The following TPST2 variants were observed in gnomAD, a reference collection of about 807,000 sequenced individuals.
The protein encoded by TPST2 is protein-tyrosine sulfotransferase 2.
TPST2 carries 16 observed loss-of-function variants against 27.8 expected under a neutral mutation model. That is an observed-to-expected ratio of 0.58 (90% CI 0.39 to 0.88). The LOEUF is 0.88. Among genes scored for constraint, TPST2 ranks in the 40% least tolerant of loss-of-function variants. The pLI is 0.00. For synonymous variants in TPST2, 229 were observed against 231.7 expected, an observed-to-expected ratio of 0.99 and a Z score of 0.10; for missense variants, 464 against 543.1, an observed-to-expected ratio of 0.85 and a Z score of 1.45.
chr22:26,547,711 A>T (rs984121094), intron 1 of TPST2: 1 of 152,232 alleles, frequency 6.6e-6, no homozygotes, highest in African/African-American at 2.4e-5. Context: ...GCTACTCGGG[A>T]GGCCGAGGTT....
Position 26,560,494 on chromosome 22 carries a change from G to C in TPST2, c.-160-15819C>G, listed in dbSNP as rs558414080. Reference sequence around the variant, plus strand: ...AGTGAGAGCCGGACGGGCACTGGGCGACTGTGCCTCGCTGAGGAAAAATAA... The same window carrying C: ...AGTGAGAGCCGGACGGGCACTGGGCCACTGTGCCTCGCTGAGGAAAAATAA... On this transcript the variant is annotated intron_variant, in intron 1 of 6. Coordinates refer to ENST00000338754, the MANE Select transcript of TPST2 (RefSeq NM_003595.5). The C allele has an allele frequency of 3.8e-6, 3 of 796,202 alleles. No homozygotes were observed. In the East Asian group the frequency reaches 7.2e-5, roughly 19 times the overall value. 49.3% of individuals were successfully genotyped at this position (796,202 alleles called of 1,614,324 possible).
At chr22:26,548,723 G>A (rs1846924102) in intron 1 of TPST2, among the ~76,000 whole-genome samples, 1 of 139,588 alleles carries the variant, frequency 7.2e-6, no homozygotes, top group Non-Finnish European at 1.6e-5. Context: ...AGCACTTTGA[G>A]GGCTGAGGCA....
chr22:26,568,274 CG>C (rs1183474916), intron 1 of TPST2, among the ~76,000 whole-genome samples: 2 of 152,138 alleles, frequency 1.3e-5, no homozygotes, highest in African/African-American at 4.8e-5. Flanking sequence ...CTGTGATGAG[CG>C]AAACAAGTCA....
rs745883539 is a variant in TPST2, at chr22:26,540,920, G to A, written c.711C>T (p.Tyr237=). 14 of 1,614,088 alleles carry A rather than the reference G, an allele frequency of 8.7e-6. No homozygotes were observed. The African/African-American group carries it at 1.1e-4, about 12-fold the overall frequency. ...TGGGGTGCAGCACCAGCTGCTCGTA[G>A]TACACAGGCAGGCACTTCTCCTTGC... ...EVGKEKCLPV[Y]YEQLVLHPRR... The change falls in exon 3 of 7, where the codon TAC becomes TAT. Residue 237 remains tyrosine, a synonymous_variant. Coordinates refer to ENST00000338754, the MANE Select transcript of TPST2 (RefSeq NM_003595.5).
chr22:26,539,565 C>T (rs1925674338), intron 3 of TPST2, among the ~76,000 whole-genome samples: 1 of 150,486 alleles, frequency 6.6e-6, no homozygotes, highest in Admixed American at 6.6e-5. Context: ...GGGTTGGAGA[C>T]CAGCCTGGAA....
chr22:26,527,578 C>T (rs1924910937), intron 6 of TPST2, among the ~76,000 whole-genome samples: 1 of 152,222 alleles, frequency 6.6e-6, no homozygotes, highest in Admixed American at 6.5e-5. Flanking sequence ...GATAAATGTG[C>T]ACTTAAAATC....
chr22:26,566,394 T>C (rs900436253), intron 1 of TPST2, among the ~76,000 whole-genome samples: 25 of 151,668 alleles, frequency 1.6e-4, no homozygotes, highest in African/African-American at 5.8e-4. Flanking sequence ...CTATTAAAAA[T>C]ACAAAAATCA....
At chr22:26,539,228 T>C (rs1051250617) in intron 3 of TPST2, among the ~76,000 whole-genome samples, 4 of 151,934 alleles carry the variant, frequency 2.6e-5, no homozygotes, top group African/African-American at 4.8e-5. Context: ...GGACCAGCCA[T>C]GGGAAGGACC....
chr22:26,588,312 A>C (rs1928421405), intron 1 of TPST2, among the ~76,000 whole-genome samples: 1 of 152,228 alleles, frequency 6.6e-6, no homozygotes, highest in Non-Finnish European at 1.5e-5. Context: ...ATATGACTGC[A>C]TTTATATGAA....
At chr22:26,548,896 A>T (rs978884651) in intron 1 of TPST2, among the ~76,000 whole-genome samples, 3 of 152,146 alleles carry the variant, frequency 2.0e-5, no homozygotes, top group Admixed American at 2.0e-4. Context: ...TGAACCCCAG[A>T]GGTCAAGGCT....
chr22:26,573,396 G>A (rs550587689), intron 1 of TPST2, among the ~76,000 whole-genome samples: 8 of 152,322 alleles, frequency 5.3e-5, no homozygotes, highest in Admixed American at 2.0e-4. Context: ...TCCGACTTCC[G>A]CCCCAACAAT....
At chr22:26,544,841 G>A (rs1926035496) in intron 1 of TPST2, among the ~76,000 whole-genome samples, 166 bp from the exon 2 acceptor site, 1 of 152,326 alleles carries the variant, frequency 6.6e-6, no homozygotes, top group South Asian at 2.1e-4. Context: ...AGATACCACA[G>A]CTGGAGTCTC....
intron 1 of TPST2, among the ~76,000 whole-genome samples, chr22:26,562,744 T>C (rs1425625499): frequency 2.0e-5 from 3 of 151,976 alleles, no homozygotes; most frequent in African/African-American, 7.3e-5. Flanking sequence ...CTGCCTCAGT[T>C]TCCTAAGTAG....
At chr22:26,557,753 G>A (rs1926874672) in intron 1 of TPST2, among the ~76,000 whole-genome samples, 3 of 150,282 alleles carry the variant, frequency 2.0e-5, no homozygotes. Context: ...CCATCTCAAA[G>A]AAGAGAGATG....
intron 1 of TPST2, among the ~76,000 whole-genome samples, chr22:26,585,175 A>G (rs998835773): frequency 1.6e-4 from 24 of 152,188 alleles, no homozygotes; most frequent in African/African-American, 5.5e-4. Flanking sequence ...GCTCCCTATC[A>G]CACTGCCTGC....
chr22:26,577,543 G>GA (rs900366024), intron 1 of TPST2, among the ~76,000 whole-genome samples: 1 of 151,170 alleles, frequency 6.6e-6, no homozygotes, highest in Non-Finnish European at 1.5e-5. Context: ...TAGAGATGGG[G>GA]TTTCACCGTG....
rs552413058 is a variant in TPST2 at position 26,586,045 on chromosome 22, A to AAAT, written c.-161+4005_-161+4007dup. On this transcript the variant is annotated intron_variant, in intron 1 of 6. Transcript: ENST00000338754. ...ACAACACAGCGAAACTCCGTCTCAA[A>AAAT]AATAATAATAATAATAATCATAATA... Among the ~76,000 whole-genome samples, 354 of 151,958 alleles carry AAAT rather than the reference A, an allele frequency of 2.3e-3. 7 individuals carry two copies. Among genetic ancestry groups the AAAT allele is most frequent in the Admixed American group, 0.014 (218 of 15,252 alleles).
chr22:26,539,406 C>T (rs1356316210), intron 3 of TPST2, among the ~76,000 whole-genome samples: 1 of 151,402 alleles, frequency 6.6e-6, no homozygotes, highest in Admixed American at 6.6e-5. Flanking sequence ...GAGCAAGGGA[C>T]AGAGGGAGGA....
In TPST2 at chr22:26,587,229, G is replaced by A. The variant is rs531793216; in HGVS notation, c.-161+2824C>T. On this transcript the variant is annotated intron_variant, in intron 1 of 6. Transcript: ENST00000338754. ...CAGCTGGCAAGGGGGCTCCAGGCTG[G>A]CCCGGGATGGGAAGATCCGAGCAGC... 3.9e-5 allele frequency among the ~76,000 whole-genome samples: 6 copies of A among 152,282 alleles called. No individual in the cohort carries two copies. The South Asian group carries it at 1.2e-3, about 32-fold the overall frequency.
Sources: gnomAD v4.1 joint callset for allele counts (sites outside exome capture counted in the v4.1 genomes callset) on GRCh38, gnomAD v4.1.1 for gene constraint, MANE v1.5 for transcripts, NCBI Gene and HGNC (gene_info 2026-07-23, HGNC 2026-07-21) for gene names.